Variants in STIM2 observed in about 807,000 individuals in gnomAD.
The protein encoded by STIM2 is stromal interaction molecule 2.
In STIM2, 31 loss-of-function variants were observed where a neutral mutation model predicts 85.8. The ratio of observed to expected loss-of-function variants is 0.36; its 90% CI spans 0.27 to 0.49. The LOEUF is 0.49. Ranked by LOEUF, STIM2 falls within the 20% of genes least tolerant of loss-of-function variation. The probability of loss-of-function intolerance (pLI) is 0.98; values close to 1 mark genes in which losing one functional copy is unlikely to be tolerated. For missense variants in STIM2, 841 were observed against 927.6 expected, an observed-to-expected ratio of 0.91 and a Z score of 1.21; for synonymous variants, 356 against 331.1, an observed-to-expected ratio of 1.08 and a Z score of -0.82.
chr4:26,954,675 T>C (rs1726178088), intron 2 of STIM2, among the ~76,000 whole-genome samples: 1 of 148,222 alleles, frequency 6.7e-6, no homozygotes, highest in South Asian at 2.1e-4. Context: ...ATCAGAATTA[T>C]ATGCTTTTTT....
chr4:26,930,503 C>T (rs1438306149), intron 2 of STIM2, among the ~76,000 whole-genome samples: 1 of 151,746 alleles, frequency 6.6e-6, no homozygotes, highest in Non-Finnish European at 1.5e-5. Flanking sequence ...GTTTGATATA[C>T]ATATATAAAA....
At chr4:26,928,334 C>G (rs1186567530) in intron 2 of STIM2, among the ~76,000 whole-genome samples, 1 of 151,980 alleles carries the variant, frequency 6.6e-6, no homozygotes, top group Non-Finnish European at 1.5e-5. Context: ...TGAAAAATAG[C>G]AGAAATCCAC....
intron 1 of STIM2, 22 bp from the exon 2 acceptor site, chr4:26,919,482 A>T: frequency 1.2e-6 from 2 of 1,612,496 alleles, no homozygotes; most frequent in Non-Finnish European, 1.7e-6. Flanking sequence ...CAAGTTAGTA[A>T]TTGCCCTTTG....
chr4:26,991,601 A>G (rs1727766873), intron 3 of STIM2, among the ~76,000 whole-genome samples: 1 of 152,126 alleles, frequency 6.6e-6, no homozygotes, highest in Non-Finnish European at 1.5e-5. Context: ...AGAAAAGATA[A>G]ATGTTTGAGG....
At chr4:27,004,739 T>A (rs1260152172) in intron 7 of STIM2, among the ~76,000 whole-genome samples, 2 of 152,188 alleles carry the variant, frequency 1.3e-5, no homozygotes, top group African/African-American at 4.8e-5. Flanking sequence ...TTGGTATGAA[T>A]AATCTCATTA....
chr4:26,881,934 A>G (rs533146553), intron 1 of STIM2, among the ~76,000 whole-genome samples: 2 of 152,344 alleles, frequency 1.3e-5, no homozygotes, highest in Non-Finnish European at 2.9e-5. Flanking sequence ...AAAGATATGT[A>G]TATTTTACGG....
At chr4:26,875,519 G>T (rs1722785383) in intron 1 of STIM2, among the ~76,000 whole-genome samples, 1 of 152,034 alleles carries the variant, frequency 6.6e-6, no homozygotes, top group Non-Finnish European at 1.5e-5. Flanking sequence ...TTATATTCTA[G>T]ATTAGTAAAG....
intron 1 of STIM2, among the ~76,000 whole-genome samples, chr4:26,889,738 C>T (rs1577418370): frequency 1.3e-5 from 2 of 152,128 alleles, no homozygotes; most frequent in East Asian, 3.9e-4. Context: ...CTTCCTATGG[C>T]CTCTTCGTTC....
At chr4:26,938,123 T>C (rs573520160) in intron 2 of STIM2, among the ~76,000 whole-genome samples, 1 of 151,904 alleles carries the variant, frequency 6.6e-6, no homozygotes, top group Non-Finnish European at 1.5e-5. Context: ...GTTGACTCTT[T>C]CATTGACTTT....
chr4:26,987,980 G>C (rs927584096), intron 3 of STIM2, among the ~76,000 whole-genome samples: 2 of 152,314 alleles, frequency 1.3e-5, no homozygotes, highest in African/African-American at 2.4e-5. Context: ...CAGTTATTCT[G>C]TGTGACCATG....
intron 1 of STIM2, among the ~76,000 whole-genome samples, chr4:26,912,288 C>T (rs1036378788): frequency 6.6e-6 from 1 of 152,092 alleles, no homozygotes; most frequent in African/African-American, 2.4e-5. Flanking sequence ...GGGCTGCAGT[C>T]CTTAGTTTGT....
At position 27,007,919 on chromosome 4, in the gene STIM2, G is replaced by C; in HGVS notation, c.1149+219G>C. ...GTATACTTTTCAAAGTGACCTTAGT[G>C]ATTTAAACATTATTCTTTTTTATCA... On this transcript the variant is annotated intron_variant, in intron 8 of 11. Transcript: ENST00000467087. The C allele has an allele frequency of 6.9e-6, 5 of 722,962 alleles. No individual in the cohort carries two copies. In the South Asian group the frequency reaches 7.8e-5, roughly 11 times the overall value. The allele number at this position is 722,962 out of a possible 1,614,324, so 44.8% of individuals were successfully genotyped here. A position where few individuals can be genotyped will look rare whatever the true frequency, so the allele number is the denominator to read the frequency against.
intron 2 of STIM2, among the ~76,000 whole-genome samples, chr4:26,945,698 C>G (rs1725807998): frequency 6.6e-6 from 1 of 152,140 alleles, no homozygotes; most frequent in Non-Finnish European, 1.5e-5. Flanking sequence ...CTCTTATGAT[C>G]AGTGATGTTG....
chr4:26,972,729 T>C (rs762483839), intron 3 of STIM2, among the ~76,000 whole-genome samples: 1 of 152,222 alleles, frequency 6.6e-6, no homozygotes, highest in Non-Finnish European at 1.5e-5. Context: ...TGCCAGGCTT[T>C]GGTATCAGGT....
At position 27,008,419 on chromosome 4, in the gene STIM2, G is replaced by T; in HGVS notation, c.1150-9G>T. On this transcript the variant is annotated splice_polypyrimidine_tract_variant and intron_variant, in intron 8 of 11. Transcript: ENST00000467087. ...AACCTAGCCTTATTTAGTCCTTTTC[G>T]GTTTCTAGGCAGAAAAAATTAAAAA... 3 of 1,551,144 alleles carry T rather than the reference G, an allele frequency of 1.9e-6. No homozygotes were observed. The South Asian group carries it at 3.9e-5, about 20-fold the overall frequency.
At chr4:26,902,159 C>T (rs754758034) in intron 1 of STIM2, among the ~76,000 whole-genome samples, 4 of 152,002 alleles carry the variant, frequency 2.6e-5, no homozygotes, top group Non-Finnish European at 4.4e-5. Context: ...TACAATGTAG[C>T]GTGGTGGTGC....
chr4:26,904,346 A>T (rs191240824), intron 1 of STIM2, among the ~76,000 whole-genome samples: 17 of 152,264 alleles, frequency 1.1e-4, no homozygotes, highest in African/African-American at 4.1e-4. Flanking sequence ...GTATATACTC[A>T]TGAAGCCATC....
rs766418100 is a variant in STIM2 at position 27,002,221 on chromosome 4, A to C, written c.630A>C (p.Pro210=). The change falls in exon 6 of 12, where the codon CCA becomes CCC. Residue 210 remains proline, a synonymous_variant. Coordinates refer to ENST00000467087, the MANE Select transcript of STIM2 (RefSeq NM_020860.4). Reference sequence around the variant, plus strand: ...CATCTGTAATTCTTTTAATAGGCCCACCTCATAACTGGATGAAAGATTTTA... The same window carrying C: ...CATCTGTAATTCTTTTAATAGGCCCCCCTCATAACTGGATGAAAGATTTTA... The C allele has an allele frequency of 1.3e-6, 2 of 1,597,408 alleles. No individual in the cohort carries two copies. Among genetic ancestry groups the C allele is most frequent in the Non-Finnish European group, 1.7e-6 (2 of 1,175,030 alleles).
chr4:26,864,748 A>G (rs1429866180), intron 1 of STIM2, among the ~76,000 whole-genome samples: 1 of 152,162 alleles, frequency 6.6e-6, no homozygotes, highest in Non-Finnish European at 1.5e-5. Context: ...AAGATTTAAT[A>G]TATTCTTAGT....
Sources: gnomAD v4.1 joint callset for allele counts (sites outside exome capture counted in the v4.1 genomes callset) on GRCh38, gnomAD v4.1.1 for gene constraint, MANE v1.5 for transcripts, NCBI Gene and HGNC (gene_info 2026-07-23, HGNC 2026-07-21) for gene names.